PRH1: variants seen among roughly 807,000 people sequenced by gnomAD.
PRH1 encodes the protein proline rich protein HaeIII subfamily 1.
Under a neutral mutation model 7.9 loss-of-function variants are expected in PRH1, and 7 were observed. The ratio of observed to expected loss-of-function variants is 0.89; its 90% confidence interval spans 0.50 to 1.67. PRH1 has a LOEUF of 1.67. PRH1 is among the 40% of genes most tolerant of loss of function. PRH1 has a pLI of 0.00. For missense variants in PRH1, 109 were observed against 223.6 expected, an observed-to-expected ratio of 0.49 and a Z score of 3.27; for synonymous variants, 45 against 80.8, an observed-to-expected ratio of 0.56 and a Z score of 2.38.
At chr12:11,102,186 A>C (rs1158794949) in intron 1 of PRH1, among the ~76,000 whole-genome samples, 1 of 152,186 alleles carries the variant, frequency 6.6e-6, no homozygotes. Context: ...AATTGGAAAA[A>C]AACTACTTTA....
At chr12:11,133,565 G>C in intron 1 of PRH1, 3 of 1,411,278 alleles carry the variant, frequency 2.1e-6, no homozygotes, top group Non-Finnish European at 2.9e-6. Flanking sequence ...AGTTTGCAAA[G>C]CTTTTATGTG....
chr12:11,152,477 A>G (rs1947129851), intron 1 of PRH1, among the ~76,000 whole-genome samples: 2 of 152,110 alleles, frequency 1.3e-5, no homozygotes, highest in Admixed American at 1.3e-4. Context: ...TAATATTTTT[A>G]TAGAAGAAAA....
intron 1 of PRH1, among the ~76,000 whole-genome samples, chr12:11,144,413 T>G (rs911180350): frequency 5.3e-5 from 8 of 152,100 alleles, no homozygotes; most frequent in African/African-American, 1.4e-4. Flanking sequence ...CCATGCAAAC[T>G]GAAGGGCTGG....
chr12:11,003,456 G>A (rs1412724387), intron 1 of PRH1, among the ~76,000 whole-genome samples: 1 of 151,946 alleles, frequency 6.6e-6, no homozygotes, highest in African/African-American at 2.4e-5. Context: ...ATGCTTTCTT[G>A]TTGATATGAT....
At chr12:11,037,698 G>A (rs1346485884) in intron 1 of PRH1, among the ~76,000 whole-genome samples, 3 of 152,182 alleles carry the variant, frequency 2.0e-5, no homozygotes, top group African/African-American at 7.2e-5. Context: ...GCATTAAGAA[G>A]GTGGATTTAC....
chr12:11,120,374 T>C (rs1945859778), downstream of PRH1, among the ~76,000 whole-genome samples: 1 of 152,034 alleles, frequency 6.6e-6, no homozygotes, highest in Non-Finnish European at 1.5e-5. Context: ...CTTTGGATAG[T>C]TTATAGTCAG....
chr12:11,079,962 C>G (rs1172057035), intron 1 of PRH1, among the ~76,000 whole-genome samples: 1 of 129,320 alleles, frequency 7.7e-6, no homozygotes, highest in Non-Finnish European at 1.8e-5. Flanking sequence ...TAGAAATGAG[C>G]CAAAACAAAA....
Position 10,930,424 on chromosome 12 carries a change from T to C in PRH1, c.-59+43231A>G, listed in dbSNP as rs1376161764. On this transcript the variant is annotated intron_variant, in intron 2 of 3. Coordinates refer to the PRH1 transcript ENST00000539853. ...TTGGCTAATATCAGTGCCCCAGAGA[T>C]ATAAACAGTTTTCTCCCAACCTTGA... 5.4e-6 allele frequency: 8 copies of C among 1,475,640 alleles called. No homozygotes were observed. In the African/African-American group the frequency reaches 8.5e-5, roughly 16 times the overall value. The allele number at this position is 1,475,640 out of a possible 1,614,324, so 91.4% of individuals were successfully genotyped here.
intron 1 of PRH1, chr12:11,061,226 T>C: frequency 4.0e-6 from 5 of 1,255,312 alleles, no homozygotes; most frequent in Non-Finnish European, 5.4e-6. Context: ...AGACTAACGT[T>C]AGGTAAAAGA....
At chr12:11,105,014 T>C (rs971664156) in intron 1 of PRH1, among the ~76,000 whole-genome samples, 24 of 151,948 alleles carry the variant, frequency 1.6e-4, no homozygotes, top group South Asian at 1.4e-3. Context: ...TTATATTTCA[T>C]TATAAATTGT....
intron 2 of PRH1, among the ~76,000 whole-genome samples, chr12:10,889,575 T>C (rs1167498688): frequency 6.6e-6 from 1 of 152,220 alleles, no homozygotes; most frequent in Non-Finnish European, 1.5e-5. Flanking sequence ...GGAAAATTTT[T>C]GATCATTATT....
chr12:10,988,951 C>T (rs1939789992), intron 1 of PRH1, among the ~76,000 whole-genome samples: 2 of 152,118 alleles, frequency 1.3e-5, no homozygotes, highest in African/African-American at 2.4e-5. Context: ...GGACTACAGG[C>T]GCATGCCACC....
chr12:10,986,762 A>G (rs951029933), intron 1 of PRH1: 2 of 1,610,724 alleles, frequency 1.2e-6, no homozygotes. Context: ...TCACCCAGTC[A>G]ATGAAATTTA....
chr12:11,037,205 T>C (rs553821248), intron 1 of PRH1, among the ~76,000 whole-genome samples: 14 of 152,362 alleles, frequency 9.2e-5, no homozygotes, highest in African/African-American at 2.4e-4. Flanking sequence ...ATATCAACTT[T>C]AGTTTATCTT....
chr12:11,033,871 A>G (rs561216935), intron 1 of PRH1, among the ~76,000 whole-genome samples: 1 of 152,232 alleles, frequency 6.6e-6, no homozygotes, highest in African/African-American at 2.4e-5. Context: ...AATGGGAAAT[A>G]CCACAGTGTA....
chr12:11,062,005 C>T (rs761133695), intron 1 of PRH1: 1 of 1,613,774 alleles, frequency 6.2e-7, no homozygotes, highest in Non-Finnish European at 8.5e-7. Flanking sequence ...AGTAGCAAGC[C>T]AGTTGCTGAA....
At chr12:11,056,256 T>G (rs1263922235) in intron 1 of PRH1, among the ~76,000 whole-genome samples, 4 of 152,276 alleles carry the variant, frequency 2.6e-5, no homozygotes, top group Admixed American at 1.3e-4. Context: ...AAAACATGTT[T>G]TCCATTGAAG....
chr12:10,943,274 A>T (rs750390297), intron 2 of PRH1, among the ~76,000 whole-genome samples: 36 of 152,226 alleles, frequency 2.4e-4, no homozygotes, highest in Non-Finnish European at 4.3e-4. Context: ...AGCCATTCTG[A>T]CTGGTGTGAG....
intron 2 of PRH1, among the ~76,000 whole-genome samples, chr12:10,933,989 T>C (rs186933151): frequency 3.3e-5 from 5 of 152,270 alleles, no homozygotes; most frequent in East Asian, 1.9e-4. Flanking sequence ...AGGAAAACCA[T>C]TGTAATTAAA....
Sources: gnomAD v4.1 joint callset for allele counts (sites outside exome capture counted in the v4.1 genomes callset) on GRCh38, gnomAD v4.1.1 for gene constraint, MANE v1.5 for transcripts, NCBI Gene and HGNC (gene_info 2026-07-23, HGNC 2026-07-21) for gene names.